The following PCDHA6 variants were observed in gnomAD, a reference collection of about 807,000 sequenced individuals.
PCDHA6 encodes protocadherin alpha-6.
PCDHA6 carries 55 observed loss-of-function variants against 60.3 expected under a neutral mutation model. The ratio of observed to expected loss-of-function variants is 0.91; its 90% CI spans 0.73 to 1.14. PCDHA6 has a LOEUF of 1.14. PCDHA6 is among the 50% of genes most tolerant of loss of function. The probability of loss-of-function intolerance (pLI) is 0.00; values close to 1 mark genes in which losing one functional copy is unlikely to be tolerated. For missense variants in PCDHA6, 1,327 were observed against 1,256.5 expected (o/e 1.06, Z -0.85); for synonymous variants, 652 against 557.9 (o/e 1.17, Z -2.38).
intron 3 of PCDHA6, among the ~76,000 whole-genome samples, chr5:141,003,751 T>G (rs3822342): frequency 0.05 from 7,683 of 152,316 alleles, 243 homozygotes; most frequent in South Asian, 0.11. Flanking sequence ...ATATTTTGTA[T>G]AATTATGGTC....
chr5:140,879,002 AG>A (rs1278268880), intron 1 of PCDHA6, among the ~76,000 whole-genome samples: 2 of 152,270 alleles, frequency 1.3e-5, no homozygotes, highest in African/African-American at 4.8e-5. Context: ...AGTATGCCCT[AG>A]AAATCAGATA....
intron 1 of PCDHA6, chr5:140,967,136 C>T (rs782698899): frequency 6.8e-6 from 11 of 1,611,568 alleles, no homozygotes; most frequent in Non-Finnish European, 9.3e-6. Context: ...CTTGGAAGTG[C>T]TGGCGCACAA....
Position 140,844,332 on chromosome 5 carries a change from G to C in PCDHA6, c.2394+13847G>C, listed in dbSNP as rs2150370679. On this transcript the variant is annotated intron_variant, in intron 1 of 3. Coordinates refer to ENST00000529310, the MANE Select transcript of PCDHA6 (RefSeq NM_018909.4). ...TTCTTCCTAATTTTATTATAAACTA[G>C]TTAAAAAGTAAAATCAAGAGGGAAG... Among the ~76,000 whole-genome samples the C allele has an allele frequency of 8.0e-5, 12 of 149,222 alleles. 2 individuals carry two copies. The highest frequency in any genetic ancestry group is 1.8e-4 in the Non-Finnish European group (12 of 66,748).
At chr5:140,871,279 C>G in intron 1 of PCDHA6, 2 of 1,613,946 alleles carry the variant, frequency 1.2e-6, no homozygotes, top group Non-Finnish European at 1.7e-6. Flanking sequence ...GTCGGCAACG[C>G]CCACTGAGGG....
intron 1 of PCDHA6, chr5:140,870,542 A>T (rs781984897): frequency 1.2e-6 from 2 of 1,614,132 alleles, no homozygotes; most frequent in Non-Finnish European, 1.7e-6. Context: ...TCGGCGCGGG[A>T]CGCGGACGCG....
intron 1 of PCDHA6, chr5:140,835,681 C>T (rs2150132521): frequency 6.2e-7 from 1 of 1,613,918 alleles, no homozygotes; most frequent in Non-Finnish European, 8.5e-7. Flanking sequence ...GGGGGCTCGC[C>T]TTCTCTGTGG....
chr5:140,968,371 C>T (rs1554230646), intron 1 of PCDHA6: 3 of 1,614,088 alleles, frequency 1.9e-6, no homozygotes, highest in Non-Finnish European at 2.5e-6. Context: ...ATGCTGTCAA[C>T]TCCTTTGACT....
At chr5:140,956,085 A>T (rs1338013265) in intron 1 of PCDHA6, among the ~76,000 whole-genome samples, 1 of 152,214 alleles carries the variant, frequency 6.6e-6, no homozygotes, top group Admixed American at 6.5e-5. Context: ...GGATCATGTC[A>T]TCTGCAAACA....
At chr5:140,833,425 G>A (rs2150208347) in intron 1 of PCDHA6, among the ~76,000 whole-genome samples, 8,936 of 152,186 alleles carry the variant, frequency 0.059, 863 homozygotes, top group African/African-American at 0.2. Flanking sequence ...TATGTGAGAT[G>A]GCTGAGCACT....
Position 140,827,982 on chromosome 5 carries a change from G to A in PCDHA6, c.-110G>A, listed in dbSNP as rs1466439579. ...TCTATTACTGCATCATTCCCTGACT[G>A]TTGAATGATGGCGGACGCAGAAGAA... On this transcript the variant is annotated 5_prime_UTR_variant, in exon 1 of 4. Coordinates refer to ENST00000529310, the MANE Select transcript of PCDHA6 (RefSeq NM_018909.4). 4.2e-6 allele frequency: 6 copies of A among 1,434,114 alleles called. No individual in the cohort carries two copies. The African/African-American group carries it at 8.6e-5, about 20-fold the overall frequency. The allele number at this position is 1,434,114 out of a possible 1,614,324, so 88.8% of individuals were successfully genotyped here.
intron 1 of PCDHA6, chr5:140,862,642 G>A: frequency 1.8e-6 from 1 of 540,964 alleles, no homozygotes; most frequent in South Asian, 1.4e-5. Context: ...CGACTTCACA[G>A]TGTCCGCGCG....
intron 1 of PCDHA6, among the ~76,000 whole-genome samples, chr5:140,907,524 C>T (rs562373233): frequency 2.6e-5 from 4 of 152,314 alleles, no homozygotes; most frequent in Non-Finnish European, 4.4e-5. Flanking sequence ...GAGGACAAAT[C>T]GCTGCCCTTT....
chr5:140,984,492 T>C (rs2097106044), intron 3 of PCDHA6, among the ~76,000 whole-genome samples: 1 of 152,224 alleles, frequency 6.6e-6, no homozygotes, highest in Non-Finnish European at 1.5e-5. Context: ...TATCCAGAAC[T>C]GTGCCTGGCT....
chr5:140,996,553 A>G lies in PCDHA6; in HGVS notation c.2543-13074A>G, dbSNP rs868960335. 1.1e-4 allele frequency among the ~76,000 whole-genome samples: 16 copies of G among 152,172 alleles called. No individual in the cohort carries two copies. In the South Asian group the frequency reaches 2.7e-3, roughly 26 times the overall value. On this transcript the variant is annotated intron_variant, in intron 3 of 3. Transcript: ENST00000529310. The stretch of plus-strand genomic sequence containing the variant: ...TGTGTTTTGATATTATGCTGTCACT[A>G]TCTTGAAGTTCTTGATAATTTGTTA...
At chr5:140,980,437 C>G (rs1586844281) in intron 2 of PCDHA6, among the ~76,000 whole-genome samples, 1 of 152,156 alleles carries the variant, frequency 6.6e-6, no homozygotes, top group Admixed American at 6.5e-5. Flanking sequence ...CGAGACCATC[C>G]TGGACAACAC....
At chr5:140,834,375 T>G in intron 1 of PCDHA6, 2 of 1,560,406 alleles carry the variant, frequency 1.3e-6, no homozygotes, top group South Asian at 2.4e-5. Context: ...AACAAGCCAA[T>G]AATTTGAAAT....
intron 3 of PCDHA6, among the ~76,000 whole-genome samples, chr5:140,992,328 A>G (rs2097505285): frequency 6.6e-6 from 1 of 152,150 alleles, no homozygotes; most frequent in South Asian, 2.1e-4. Flanking sequence ...CTTTTCTAAG[A>G]GCAAAGATGG....
At chr5:140,948,857 T>C (rs1554218731) in intron 1 of PCDHA6, among the ~76,000 whole-genome samples, 2 of 151,686 alleles carry the variant, frequency 1.3e-5, no homozygotes. Flanking sequence ...TGCCTTCTTA[T>C]ATTACTTCGG....
Position 140,947,771 on chromosome 5 carries a change from T to C in PCDHA6, c.2395-31178T>C, listed in dbSNP as rs1167163964. ...TATTTTATGGTTTAAAAAATTCTAT[T>C]GTAAATGGATTTTAAACAGACTTTT... On this transcript the variant is annotated intron_variant, in intron 1 of 3. Transcript: ENST00000529310. 2.6e-5 allele frequency among the ~76,000 whole-genome samples: 4 copies of C among 151,706 alleles called. No individual in the cohort carries two copies. The East Asian group carries it at 5.8e-4, about 22-fold the overall frequency.
Sources: allele counts gnomAD v4.1 joint callset (sites outside exome capture counted in the v4.1 genomes callset), GRCh38; gene constraint gnomAD v4.1.1; transcripts MANE v1.5; gene names NCBI Gene and HGNC (gene_info 2026-07-23, HGNC 2026-07-21).